ITGA8: variants seen among roughly 807,000 people sequenced by gnomAD.
ITGA8 encodes integrin alpha-8.
Under a neutral mutation model 142.3 loss-of-function variants are expected in ITGA8, and 91 were observed. The observed-to-expected ratio is 0.64, with a 90% CI of 0.54 to 0.76. ITGA8 has a LOEUF of 0.76. ITGA8 is among the 30% of genes least tolerant of loss of function. The probability of loss-of-function intolerance (pLI) is 0.00; values close to 1 mark genes in which losing one functional copy is unlikely to be tolerated. For missense variants in ITGA8, 1,406 were observed against 1,327.7 expected, an observed-to-expected ratio of 1.06 and a Z score of -0.92; for synonymous variants, 505 against 485.2, an observed-to-expected ratio of 1.04 and a Z score of -0.54.
chr10:15,615,675 G>A (rs984301957), intron 14 of ITGA8, among the ~76,000 whole-genome samples: 3 of 152,036 alleles, frequency 2.0e-5, no homozygotes, highest in Admixed American at 6.6e-5. Context: ...CACCATGTCC[G>A]GCTAATTTTT....
At chr10:15,521,351 C>A (rs750263982) in intron 28 of ITGA8, among the ~76,000 whole-genome samples, 19 of 152,220 alleles carry the variant, frequency 1.2e-4, no homozygotes, top group African/African-American at 4.3e-4. Context: ...TAGAGTTGAG[C>A]GCCCTGATGG....
At chr10:15,605,656 G>C in intron 19 of ITGA8, 68 bp downstream of exon 19, 1 of 1,291,514 alleles carries the variant, frequency 7.7e-7, no homozygotes, top group Non-Finnish European at 1.1e-6. Context: ...ACTTTCTCCA[G>C]AGAACCTTTA....
intron 20 of ITGA8, among the ~76,000 whole-genome samples, chr10:15,600,375 T>G (rs1409228745): frequency 2.0e-5 from 3 of 152,234 alleles, no homozygotes. Flanking sequence ...CAATTTTTAT[T>G]AAGTCTCAAT....
chr10:15,606,492 C>A, intron 17 of ITGA8, 70 bp from the exon 18 acceptor site: 1 of 1,438,726 alleles, frequency 7.0e-7, no homozygotes, highest in South Asian at 1.3e-5. Context: ...CTGCAAAAGT[C>A]AGGCAACACT....
At chr10:15,604,101 T>C in intron 20 of ITGA8, 107 bp downstream of exon 20, 2 of 977,936 alleles carry the variant, frequency 2.0e-6, no homozygotes, top group Non-Finnish European at 3.1e-6. Context: ...ATCATTTTGC[T>C]GTCTTTCATT....
intron 25 of ITGA8, among the ~76,000 whole-genome samples, chr10:15,570,018 T>C (rs1834149434): frequency 6.6e-6 from 1 of 152,188 alleles, no homozygotes; most frequent in Admixed American, 6.5e-5. Context: ...GATTATCTGT[T>C]TTTTAATGTC....
At chr10:15,661,261 C>A (rs1398198384) in intron 8 of ITGA8, among the ~76,000 whole-genome samples, 1 of 152,220 alleles carries the variant, frequency 6.6e-6, no homozygotes, top group Non-Finnish European at 1.5e-5. Context: ...CTATTGTGAA[C>A]TGTGCACACA....
chr10:15,689,493 G>A (rs1005439676), intron 2 of ITGA8, among the ~76,000 whole-genome samples: 3 of 152,160 alleles, frequency 2.0e-5, no homozygotes, highest in African/African-American at 7.2e-5. Flanking sequence ...CATCACTGTC[G>A]TGGACACCTG....
intron 29 of ITGA8, 71 bp from the exon 30 acceptor site, chr10:15,517,315 T>G: frequency 1.9e-6 from 2 of 1,046,460 alleles, no homozygotes; most frequent in Non-Finnish European, 2.9e-6. Context: ...TTCAAAGAAT[T>G]TTCACTTTAT....
chr10:15,670,939 G>T (rs1834502984), intron 8 of ITGA8, among the ~76,000 whole-genome samples: 1 of 152,242 alleles, frequency 6.6e-6, no homozygotes, highest in Admixed American at 6.5e-5. Context: ...CTGCCCCTTT[G>T]TCTGTCTGAC....
intron 26 of ITGA8, among the ~76,000 whole-genome samples, chr10:15,554,249 T>A (rs1013656811): frequency 2.0e-5 from 3 of 152,220 alleles, no homozygotes; most frequent in Non-Finnish European, 4.4e-5. Flanking sequence ...CCTTAAAAAC[T>A]CATGAGCCTT....
chr10:15,604,763 T>C (rs1314437478), intron 19 of ITGA8, among the ~76,000 whole-genome samples: 1 of 151,902 alleles, frequency 6.6e-6, no homozygotes, highest in Non-Finnish European at 1.5e-5. Flanking sequence ...ACTGAAAACA[T>C]ACATTAGGAA....
At chr10:15,571,417 A>G (rs994635857) in intron 25 of ITGA8, among the ~76,000 whole-genome samples, 1 of 152,260 alleles carries the variant, frequency 6.6e-6, no homozygotes, top group Non-Finnish European at 1.5e-5. Flanking sequence ...ATATCTGACT[A>G]CAAGATGTTG....
At chr10:15,561,487 C>A (rs1833980375) in intron 25 of ITGA8, among the ~76,000 whole-genome samples, 1 of 151,882 alleles carries the variant, frequency 6.6e-6, no homozygotes, top group Non-Finnish European at 1.5e-5. Flanking sequence ...GTAGAGATAG[C>A]AAGCACAGCT....
intron 20 of ITGA8, among the ~76,000 whole-genome samples, chr10:15,601,148 A>G (rs1833097919): frequency 6.6e-6 from 1 of 152,098 alleles, no homozygotes; most frequent in Non-Finnish European, 1.5e-5. Context: ...CTGAGGCAGG[A>G]GAATCACTTG....
chr10:15,658,948 C>A, intron 10 of ITGA8, 51 bp downstream of exon 10: 1 of 1,166,772 alleles, frequency 8.6e-7, no homozygotes, highest in Non-Finnish European at 1.3e-6. Context: ...ATATTATAGT[C>A]TACTGGTAAC....
At chr10:15,545,361 G>A (rs1833648921) in intron 27 of ITGA8, among the ~76,000 whole-genome samples, 1 of 152,058 alleles carries the variant, frequency 6.6e-6, no homozygotes. Context: ...CCACTGTTTT[G>A]CCCTAGATTA....
chr10:15,606,836 ATCT>A (rs1233295958), intron 17 of ITGA8, among the ~76,000 whole-genome samples: 7 of 152,188 alleles, frequency 4.6e-5, no homozygotes, highest in African/African-American at 1.7e-4. Flanking sequence ...AGAAGAAAAC[ATCT>A]TGATTCTCTT....
intron 26 of ITGA8, among the ~76,000 whole-genome samples, chr10:15,551,346 CTAAG>C (rs1833790454): frequency 6.6e-6 from 1 of 151,738 alleles, no homozygotes; most frequent in Non-Finnish European, 1.5e-5. Flanking sequence ...ATGAGAATTT[CTAAG>C]AAGAGACCAT....
Sources: allele counts gnomAD v4.1 joint callset (sites outside exome capture counted in the v4.1 genomes callset), GRCh38; gene constraint gnomAD v4.1.1; transcripts MANE v1.5; gene names NCBI Gene and HGNC (gene_info 2026-07-23, HGNC 2026-07-21).